The following SLC25A16 variants were observed in gnomAD, a reference collection of about 807,000 sequenced individuals.
SLC25A16 encodes the protein solute carrier family 25 member 16.
SLC25A16 carries 39 observed loss-of-function variants against 41.5 expected under a neutral mutation model. That is an observed-to-expected ratio of 0.94 (90% CI 0.73 to 1.23). The LOEUF is 1.23. SLC25A16 is among the 50% of genes most tolerant of loss of function. The pLI, the probability that SLC25A16 is intolerant of heterozygous loss-of-function variation, is 0.00. For synonymous variants in SLC25A16, 146 were observed against 147.8 expected (o/e 0.99, Z 0.09); for missense variants, 421 against 426.9 (o/e 0.99, Z 0.12).
chr10:68,487,942 C>T (rs1315986812), intron 7 of SLC25A16, among the ~76,000 whole-genome samples: 1 of 152,088 alleles, frequency 6.6e-6, no homozygotes, highest in Non-Finnish European at 1.5e-5. Flanking sequence ...CAACCTCCAC[C>T]TCCCAGGTTC....
Position 68,493,459 on chromosome 10 carries a change from A to G in SLC25A16, c.533T>C (p.Ile178Thr). ...GTAAATATGAAATACCTTTGCATAA[A>G]TTGTTTTGAAAGCATGAATAATTCC... ...YTGIIHAFKT[I>T]YAKEGGFFGF... The change falls in exon 5 of 9, where the codon ATT becomes ACT. Residue 178 changes from isoleucine to threonine, a missense_variant. By Grantham distance (89) the Ile-to-Thr change is moderately conservative. Coordinates refer to ENST00000609923, the MANE Select transcript of SLC25A16 (RefSeq NM_152707.4). 6.2e-7 allele frequency: 1 copy of G among 1,613,194 alleles called. No homozygotes were observed. The highest frequency in any genetic ancestry group is 2.2e-5 in the East Asian group (1 of 44,802).
chr10:68,483,372 T>C lies in SLC25A16; in HGVS notation c.*60A>G. ...TCAAGTAATGTTCCCCCCACAATTA[T>C]AGTAATGTTTCATTTCTCCCTCTGA... On this transcript the variant is annotated 3_prime_UTR_variant, in exon 9 of 9. Coordinates refer to ENST00000609923, the MANE Select transcript of SLC25A16 (RefSeq NM_152707.4). 9.1e-7 allele frequency: 1 copy of C among 1,104,804 alleles called. No homozygotes were observed. The highest frequency in any genetic ancestry group is 1.3e-6 in the Non-Finnish European group (1 of 766,956). The allele number at this position is 1,104,804 out of a possible 1,614,324, so 68.4% of individuals were successfully genotyped here. A position where few individuals can be genotyped will look rare whatever the true frequency, so the allele number is the denominator to read the frequency against.
chr10:68,486,997 G>A (rs1422381435), intron 8 of SLC25A16, 147 bp downstream of exon 8: 2 of 382,262 alleles, frequency 5.2e-6, no homozygotes, highest in East Asian at 5.2e-5. Flanking sequence ...CTGATTGCCT[G>A]ATTGTAATCT....
At chr10:68,493,819 G>A (rs773298260) in intron 4 of SLC25A16, among the ~76,000 whole-genome samples, 1 of 152,196 alleles carries the variant, frequency 6.6e-6, no homozygotes, top group Admixed American at 6.6e-5. Context: ...AAATGGTACA[G>A]TGTACAGTGT....
chr10:68,487,978 G>A (rs770721494), intron 7 of SLC25A16, among the ~76,000 whole-genome samples: 7 of 151,970 alleles, frequency 4.6e-5, no homozygotes, highest in Middle Eastern at 3.4e-3. Context: ...TCAACCTCCC[G>A]AGTAGCTGGG....
chr10:68,480,914 T>C lies in SLC25A16; in HGVS notation c.*2518A>G, dbSNP rs1346659195. ...AAGAACACATGTATTTCTTTTTTTTTTCTTTTATACAGTCTCTGTATAAAA... is the reference window on the plus strand; with the variant it reads ...AAGAACACATGTATTTCTTTTTTTTCTCTTTTATACAGTCTCTGTATAAAA... On this transcript the variant is annotated 3_prime_UTR_variant, in exon 9 of 9. Coordinates refer to ENST00000609923, the MANE Select transcript of SLC25A16 (RefSeq NM_152707.4). 7.0e-6 allele frequency: 1 copy of C among 143,652 alleles called. No homozygotes were observed. The highest frequency in any genetic ancestry group is 2.8e-5 in the African/African-American group (1 of 36,266). The allele number at this position is 143,652 out of a possible 1,614,324, so 8.9% of individuals were successfully genotyped here.
intron 1 of SLC25A16, among the ~76,000 whole-genome samples, chr10:68,524,708 A>C (rs2053307562): frequency 1.1e-5 from 1 of 93,254 alleles, no homozygotes; most frequent in Non-Finnish European, 2.1e-5. Context: ...ACTCCATCTC[A>C]AAAAAAAAAA....
rs2052497599 is a variant in SLC25A16, at chr10:68,482,668, C to T, written c.*764G>A. On this transcript the variant is annotated 3_prime_UTR_variant, in exon 9 of 9. Coordinates refer to ENST00000609923, the MANE Select transcript of SLC25A16 (RefSeq NM_152707.4). ...GACATTTTAAAACACATGTAAGTCA[C>T]TCATAGTACCTCATAATAACATTTG... 6.6e-6 allele frequency: 1 copy of T among 152,048 alleles called. No homozygotes were observed. The highest frequency in any genetic ancestry group is 1.5e-5 in the Non-Finnish European group (1 of 68,024). 9.4% of individuals were successfully genotyped at this position (152,048 alleles called of 1,614,324 possible). A position where few individuals can be genotyped will look rare whatever the true frequency, so the allele number is the denominator to read the frequency against.
intron 2 of SLC25A16, among the ~76,000 whole-genome samples, chr10:68,516,064 T>C (rs963433600): frequency 4.6e-5 from 7 of 151,958 alleles, no homozygotes; most frequent in Admixed American, 3.3e-4. Flanking sequence ...AAAAAACAAA[T>C]AACAAATTTG....
At chr10:68,497,052 G>C (rs1023851326) in intron 4 of SLC25A16, among the ~76,000 whole-genome samples, 7 of 152,278 alleles carry the variant, frequency 4.6e-5, no homozygotes, top group African/African-American at 1.7e-4. Flanking sequence ...ATTAGAAATT[G>C]CATAATACAG....
intron 1 of SLC25A16, among the ~76,000 whole-genome samples, chr10:68,519,898 A>G (rs534376787): frequency 1.3e-5 from 2 of 151,798 alleles, no homozygotes; most frequent in South Asian, 2.1e-4. Flanking sequence ...CTGGGCGACA[A>G]GAACGAAACT....
intron 7 of SLC25A16, 126 bp from the exon 8 acceptor site, chr10:68,487,338 G>C (rs566764214): frequency 2.9e-6 from 2 of 689,728 alleles, no homozygotes; most frequent in South Asian, 3.3e-5. Context: ...GTCTAACCTA[G>C]GAGTCGGGAT....
At chr10:68,514,422 G>T (rs1249109341) in intron 2 of SLC25A16, among the ~76,000 whole-genome samples, 1 of 152,038 alleles carries the variant, frequency 6.6e-6, no homozygotes, top group South Asian at 2.1e-4. Context: ...CTTGAACCCG[G>T]AAGGCGGAGG....
chr10:68,493,449 C>A lies in SLC25A16; in HGVS notation c.543G>T (p.Lys181Asn). The change falls in exon 5 of 9, where the codon AAG becomes AAT. Residue 181 changes from lysine to asparagine, a missense_variant and splice_region_variant. By Grantham distance (94) the Lys-to-Asn change is moderately conservative. Coordinates refer to ENST00000609923, the MANE Select transcript of SLC25A16 (RefSeq NM_152707.4). ...IIHAFKTIYA[K>N]EGGFFGFYRG... The stretch of plus-strand genomic sequence containing the variant: ...GATGAGGAAGGTAAATATGAAATAC[C>A]TTTGCATAAATTGTTTTGAAAGCAT... 1.2e-5 allele frequency: 19 copies of A among 1,612,416 alleles called. No individual in the cohort carries two copies. The highest frequency in any genetic ancestry group is 1.5e-5 in the Non-Finnish European group (18 of 1,178,748).
intron 1 of SLC25A16, among the ~76,000 whole-genome samples, chr10:68,522,208 C>G (rs914087685): frequency 3.3e-5 from 5 of 151,434 alleles, no homozygotes; most frequent in Admixed American, 2.6e-4. Flanking sequence ...ATTACTTATA[C>G]GTGCAATGTG....
Position 68,491,798 on chromosome 10 carries a change from T to TTTGC in SLC25A16, c.610+1330_610+1333dup, listed in dbSNP as rs199915205. On this transcript the variant is annotated intron_variant, in intron 6 of 8. Coordinates refer to ENST00000609923, the MANE Select transcript of SLC25A16 (RefSeq NM_152707.4). ...AAGCTTGATAGTAAACTTCTCTCTGTTTGCTTGCTTGCTTGCTTGATTGAT... is the reference window on the plus strand; with the variant it reads ...AAGCTTGATAGTAAACTTCTCTCTGTTTGCTTGCTTGCTTGCTTGCTTGATTGAT... 4.2e-4 allele frequency among the ~76,000 whole-genome samples: 64 copies of TTTGC among 151,104 alleles called. 1 individual carries two copies. The highest frequency in any genetic ancestry group is 3.6e-3 in the Admixed American group (54 of 15,034).
At chr10:68,502,175 C>T (rs2052858992) in intron 4 of SLC25A16, among the ~76,000 whole-genome samples, 1 of 151,846 alleles carries the variant, frequency 6.6e-6, no homozygotes. Flanking sequence ...GATCGTGCCA[C>T]TGCACTCCAG....
chr10:68,503,828 G>T, intron 3 of SLC25A16, 133 bp from the exon 4 acceptor site: 1 of 660,590 alleles, frequency 1.5e-6, no homozygotes, highest in Non-Finnish European at 2.7e-6. Flanking sequence ...TGAACGAAAT[G>T]AGCACAATTA....
chr10:68,508,219 C>G (rs1223284543), intron 2 of SLC25A16, among the ~76,000 whole-genome samples: 1 of 151,376 alleles, frequency 6.6e-6, no homozygotes, highest in Non-Finnish European at 1.5e-5. Flanking sequence ...CTCAAAAAAA[C>G]AAACAAAAAG....
Sources: gnomAD v4.1 joint callset for allele counts (sites outside exome capture counted in the v4.1 genomes callset) on GRCh38, gnomAD v4.1.1 for gene constraint, MANE v1.5 for transcripts, NCBI Gene and HGNC (gene_info 2026-07-23, HGNC 2026-07-21) for gene names.